The following DNAAF9 variants were observed in gnomAD, a reference collection of about 807,000 sequenced individuals.
The protein encoded by DNAAF9 is shulin.
A neutral mutation model predicts 167.0 loss-of-function variants in DNAAF9; 90 were observed. The ratio of observed to expected loss-of-function variants is 0.54; its 90% CI spans 0.45 to 0.64. The LOEUF is 0.64. Among genes scored for constraint, DNAAF9 ranks in the 30% least tolerant of loss-of-function variants. The pLI is 0.00. For missense variants in DNAAF9, 1,315 were observed against 1,442.2 expected (o/e 0.91, Z 1.43); for synonymous variants, 491 against 508.8 (o/e 0.96, Z 0.47).
chr20:3,308,780 C>T (rs2069350216), intron 20 of DNAAF9, among the ~76,000 whole-genome samples: 1 of 151,054 alleles, frequency 6.6e-6, no homozygotes. Flanking sequence ...AGTTTGAGAC[C>T]AGCCTAGCCA....
At chr20:3,374,580 C>T (rs949290359) in intron 5 of DNAAF9, among the ~76,000 whole-genome samples, 2 of 152,176 alleles carry the variant, frequency 1.3e-5, no homozygotes, top group Non-Finnish European at 2.9e-5. Flanking sequence ...TTAACAATAG[C>T]TTCAATGTGC....
At position 3,249,314 on chromosome 20, in the gene DNAAF9, T is replaced by C. The variant is rs2068167184; in HGVS notation, c.*3258A>G. The C allele has an allele frequency of 6.6e-6, 1 of 152,210 alleles. No individual in the cohort carries two copies. Among genetic ancestry groups the C allele is most frequent in the South Asian group, 2.1e-4 (1 of 4,832 alleles). The allele number at this position is 152,210 out of a possible 1,614,324, so 9.4% of individuals were successfully genotyped here. A position where few individuals can be genotyped will look rare whatever the true frequency, so the allele number is the denominator to read the frequency against. On this transcript the variant is annotated 3_prime_UTR_variant, in exon 37 of 37. Transcript: ENST00000252032. ...TCGTCTGGAGGCCTTGCTTGTTCAG[T>C]GATAGTTTATTGGTCCTTAGCATGA...
chr20:3,280,683 A>G (rs2295381), intron 28 of DNAAF9, among the ~76,000 whole-genome samples: 39,300 of 151,648 alleles, frequency 0.26, 5,340 homozygotes, highest in East Asian at 0.38. Context: ...TAGCATGAAC[A>G]CAGCTCACTG....
Position 3,374,219 on chromosome 20 carries a change from C to A in DNAAF9, c.506-65G>T. The stretch of plus-strand genomic sequence containing the variant: ...CCTGAATATAACAGTCTAAACCTGA[C>A]CTAACATGGTTAGACAGGTATCATT... On this transcript the variant is annotated intron_variant, in intron 5 of 36. Coordinates refer to ENST00000252032, the MANE Select transcript of DNAAF9 (RefSeq NM_001009984.3). 3 of 1,111,626 alleles carry A rather than the reference C, an allele frequency of 2.7e-6. No individual in the cohort carries two copies. In the South Asian group the frequency reaches 4.1e-5, roughly 15 times the overall value. The allele number at this position is 1,111,626 out of a possible 1,614,324, so 68.9% of individuals were successfully genotyped here. A position where few individuals can be genotyped will look rare whatever the true frequency, so the allele number is the denominator to read the frequency against.
At chr20:3,343,804 T>G in intron 8 of DNAAF9, 73 bp from the exon 9 acceptor site, 1 of 1,110,966 alleles carries the variant, frequency 9.0e-7, no homozygotes, top group Non-Finnish European at 1.4e-6. Context: ...CTCACATATG[T>G]ATGTATGTAC....
rs1377495264 is a variant in DNAAF9 at position 3,315,174 on chromosome 20, CATAA to C, written c.1591-58_1591-55del. On this transcript the variant is annotated intron_variant, in intron 19 of 36. Coordinates refer to ENST00000252032, the MANE Select transcript of DNAAF9 (RefSeq NM_001009984.3). This position sits in a 1 kb window ranked among gnomAD's most constrained non-coding sequence, Gnocchi z 4.1. Reference sequence around the variant, plus strand: ...CCAAAAAAGAATAGGTGATTTATAGCATAAATATTCACAGAATCAAAAGTCCTGC... The same window carrying C: ...CCAAAAAAGAATAGGTGATTTATAGCATATTCACAGAATCAAAAGTCCTGC... The C allele has an allele frequency of 1.1e-5, 12 of 1,043,566 alleles. No individual in the cohort carries two copies. Among genetic ancestry groups the C allele is most frequent in the Non-Finnish European group, 1.8e-5 (12 of 662,896 alleles). 64.6% of individuals were successfully genotyped at this position (1,043,566 alleles called of 1,614,324 possible).
chr20:3,253,442 C>CA (rs1333469785), intron 36 of DNAAF9, among the ~76,000 whole-genome samples: 3 of 151,010 alleles, frequency 2.0e-5, no homozygotes, highest in African/African-American at 2.4e-5. Context: ...ACTCCATCTC[C>CA]AAAAAAAAAT....
chr20:3,397,485 A>C (rs1035562118), intron 1 of DNAAF9, among the ~76,000 whole-genome samples: 16 of 151,800 alleles, frequency 1.1e-4, no homozygotes, highest in Non-Finnish European at 8.8e-5. Context: ...AGCCCAGCTA[A>C]TTTTTTGTAT....
At chr20:3,261,470 G>C (rs547333019) in intron 31 of DNAAF9, among the ~76,000 whole-genome samples, 323 of 152,066 alleles carry the variant, frequency 2.1e-3, no homozygotes, top group Non-Finnish European at 3.7e-3. Flanking sequence ...CCAGGTTCAA[G>C]CAATTCTCCC....
At chr20:3,272,475 C>T (rs2068610965) in intron 29 of DNAAF9, among the ~76,000 whole-genome samples, 1 of 152,090 alleles carries the variant, frequency 6.6e-6, no homozygotes, top group Non-Finnish European at 1.5e-5. Context: ...GATCCTCATG[C>T]CTTGGCCTCC....
intron 1 of DNAAF9, among the ~76,000 whole-genome samples, chr20:3,406,112 A>G (rs1021250541): frequency 3.9e-5 from 6 of 152,156 alleles, no homozygotes; most frequent in Admixed American, 3.3e-4. Flanking sequence ...CACCTTCTCT[A>G]TCCTTTATTT....
intron 7 of DNAAF9, among the ~76,000 whole-genome samples, chr20:3,355,304 G>A (rs2123160834): frequency 6.6e-6 from 1 of 152,228 alleles, no homozygotes; most frequent in Non-Finnish European, 1.5e-5. Context: ...GTTGGGTTTG[G>A]TGGCTAATGC....
At chr20:3,407,453 C>T in intron 1 of DNAAF9, 22 bp downstream of exon 1, 1 of 1,300,378 alleles carries the variant, frequency 7.7e-7, no homozygotes, top group Non-Finnish European at 9.7e-7. Context: ...GGCCGCCCCT[C>T]GGCTGCCTCT....
chr20:3,268,549 G>A (rs1185776075), intron 30 of DNAAF9, among the ~76,000 whole-genome samples: 1 of 152,070 alleles, frequency 6.6e-6, no homozygotes, highest in African/African-American at 2.4e-5. Flanking sequence ...GGCTGGTCTC[G>A]AACTCCTGAC....
rs112836698 is a variant in DNAAF9, at chr20:3,304,949, C to T, written c.1679-406G>A. Among the ~76,000 whole-genome samples the T allele has an allele frequency of 6.8e-3, 1,029 of 152,328 alleles. 5 individuals carry two copies. Among genetic ancestry groups the T allele is most frequent in the Middle Eastern group, 0.014 (4 of 294 alleles). ...GGCCCTAAAGAGACCACATCCCTCA[C>T]TTAGGGCCCGAGAAGGAGCACTTGG... is the stretch of plus-strand genomic sequence containing the variant. On this transcript the variant is annotated intron_variant, in intron 20 of 36. Coordinates refer to ENST00000252032, the MANE Select transcript of DNAAF9 (RefSeq NM_001009984.3).
In DNAAF9 at chr20:3,330,683, C is replaced by G; in HGVS notation, c.1064-1G>C. The stretch of plus-strand genomic sequence containing the variant: ...TTCTTGGGCAGCTTGCTGTCACCAC[C>G]TGTGAAAGAGGCCCACTAAGAATGT... On this transcript the variant is annotated splice_acceptor_variant, in intron 11 of 36. Coordinates refer to ENST00000252032, the MANE Select transcript of DNAAF9 (RefSeq NM_001009984.3). LOFTEE classifies it high-confidence loss of function. The G allele has an allele frequency of 6.3e-7, 1 of 1,588,716 alleles. No homozygotes were observed. The highest frequency in any genetic ancestry group is 8.6e-7 in the Non-Finnish European group (1 of 1,159,244).
intron 27 of DNAAF9, among the ~76,000 whole-genome samples, chr20:3,283,078 C>G (rs541838670): frequency 2.0e-5 from 3 of 152,210 alleles, no homozygotes; most frequent in African/African-American, 7.2e-5. Context: ...GATGTTCAAC[C>G]CTGAGCAGGC....
At chr20:3,334,482 G>C (rs574215362) in intron 10 of DNAAF9, among the ~76,000 whole-genome samples, 3 of 152,132 alleles carry the variant, frequency 2.0e-5, no homozygotes, top group Non-Finnish European at 4.4e-5. Context: ...AAGACATCTT[G>C]GTTGCTTCTA....
intron 32 of DNAAF9, 125 bp from the exon 33 acceptor site, chr20:3,259,679 T>C: frequency 1.4e-6 from 1 of 701,028 alleles, no homozygotes. Context: ...TCACAGGTTC[T>C]ACCCGCCACA....
Sources: allele counts gnomAD v4.1 joint callset (sites outside exome capture counted in the v4.1 genomes callset), GRCh38; gene constraint gnomAD v4.1.1; non-coding constraint Gnocchi (gnomAD v3.1); transcripts MANE v1.5; gene names NCBI Gene and HGNC (gene_info 2026-07-23, HGNC 2026-07-21).